The following PTPRD variants were observed in gnomAD, a reference collection of about 807,000 sequenced individuals.
PTPRD encodes protein tyrosine phosphatase receptor type D, also known as receptor-type tyrosine-protein phosphatase delta.
In PTPRD, 34 loss-of-function variants were observed where a neutral mutation model predicts 214.5. That is an observed-to-expected ratio of 0.16 (90% CI 0.12 to 0.21). The LOEUF is 0.21. PTPRD is among the 10% of genes least tolerant of loss of function. The pLI, the probability that PTPRD is intolerant of heterozygous loss-of-function variation, is 1.00. For missense variants in PTPRD, 2,545 were observed against 2,398.7 expected, an observed-to-expected ratio of 1.06 and a Z score of -1.27; for synonymous variants, 1,128 against 845.7, an observed-to-expected ratio of 1.33 and a Z score of -5.79.
At chr9:10,123,730 G>A (rs1455591169) in intron 3 of PTPRD, among the ~76,000 whole-genome samples, 1 of 152,180 alleles carries the variant, frequency 6.6e-6, no homozygotes, top group Non-Finnish European at 1.5e-5. Context: ...TTGGAATAGT[G>A]AATACGTCTT....
chr9:8,454,883 A>C (rs535382222), intron 33 of PTPRD, among the ~76,000 whole-genome samples: 183 of 152,128 alleles, frequency 1.2e-3, no homozygotes, highest in African/African-American at 4.1e-3. Flanking sequence ...CACCTATAAA[A>C]TACTGCCACA....
chr9:10,230,440 C>CTATGTATCTATG (rs1207204714), intron 3 of PTPRD, among the ~76,000 whole-genome samples: 15 of 132,762 alleles, frequency 1.1e-4, no homozygotes, highest in Admixed American at 3.9e-4. Flanking sequence ...ATCTATGTAT[C>CTATGTATCTATG]TATCTATCTA....
At chr9:8,623,774 G>A (rs980412572) in intron 14 of PTPRD, among the ~76,000 whole-genome samples, 2 of 151,720 alleles carry the variant, frequency 1.3e-5, no homozygotes, top group South Asian at 2.1e-4. Flanking sequence ...CACATTTGCC[G>A]CAAAACAAAT....
chr9:9,713,358 C>T (rs2097768384), intron 7 of PTPRD, among the ~76,000 whole-genome samples: 1 of 152,052 alleles, frequency 6.6e-6, no homozygotes, highest in Non-Finnish European at 1.5e-5. Flanking sequence ...TAAGATGCAT[C>T]AAAAATGTCA....
chr9:9,263,165 T>A (rs1056932512), intron 9 of PTPRD, among the ~76,000 whole-genome samples: 2 of 151,736 alleles, frequency 1.3e-5, no homozygotes, highest in Admixed American at 1.3e-4. Context: ...AATCTTGTTT[T>A]CTTAAATGAT....
chr9:9,766,744 T>C (rs543570634), intron 6 of PTPRD, 66 bp downstream of exon 6: 94 of 152,592 alleles, frequency 6.2e-4, no homozygotes, highest in African/African-American at 2.2e-3. Flanking sequence ...GTAATATAAT[T>C]ATTGTCATAA....
At chr9:9,284,385 A>C (rs571013795) in intron 9 of PTPRD, among the ~76,000 whole-genome samples, 1 of 151,728 alleles carries the variant, frequency 6.6e-6, no homozygotes, top group South Asian at 2.1e-4. Context: ...CATGGTTGTA[A>C]GTTTTATTCT....
At chr9:10,262,526 A>T (rs2093763702) in intron 3 of PTPRD, among the ~76,000 whole-genome samples, 1 of 152,208 alleles carries the variant, frequency 6.6e-6, no homozygotes. Context: ...CTACTATCCT[A>T]TACCATCCAT....
intron 35 of PTPRD, among the ~76,000 whole-genome samples, chr9:8,431,357 G>T (rs2095040918): frequency 6.6e-6 from 1 of 152,098 alleles, no homozygotes; most frequent in African/African-American, 2.4e-5. Flanking sequence ...AAAGATGAAA[G>T]CTCCAGAGAA....
chr9:8,499,716 A>G lies in PTPRD; in HGVS notation c.2253T>C (p.Tyr751=). The change falls in exon 25 of 46, where the codon TAT becomes TAC. Residue 751 remains tyrosine (Y), a synonymous_variant. Coordinates refer to ENST00000381196, the MANE Select transcript of PTPRD (RefSeq NM_002839.4). ...TGGGCTCACCATTTTCCATCCTCAC[A>G]TAATGCACCTGATATCCTCTTATCT... ...HGQIRGYQVH[Y]VRMENGEPKG... is the part of the protein sequence containing the mutation. 3 of 1,614,158 alleles carry G rather than the reference A, an allele frequency of 1.9e-6. No homozygotes were observed. Among genetic ancestry groups the G allele is most frequent in the East Asian group, 4.5e-5 (2 of 44,878 alleles).
intron 12 of PTPRD, among the ~76,000 whole-genome samples, chr9:8,708,795 CCT>C (rs1406859743): frequency 1.3e-5 from 2 of 151,950 alleles, no homozygotes; most frequent in East Asian, 1.9e-4. Context: ...TGTACATTCC[CCT>C]GTTTATTGCA....
chr9:9,260,366 C>G (rs953376873), intron 9 of PTPRD, among the ~76,000 whole-genome samples: 1 of 151,770 alleles, frequency 6.6e-6, no homozygotes, highest in African/African-American at 2.4e-5. Flanking sequence ...AGTAGAAAAC[C>G]GAAATCACGT....
At chr9:8,646,618 T>C (rs2096698637) in intron 12 of PTPRD, among the ~76,000 whole-genome samples, 1 of 152,198 alleles carries the variant, frequency 6.6e-6, no homozygotes, top group Non-Finnish European at 1.5e-5. Flanking sequence ...TTGGAAGCCT[T>C]CTTTGATCTT....
intron 6 of PTPRD, among the ~76,000 whole-genome samples, chr9:9,738,384 G>GC (rs1173653590): frequency 1.4e-5 from 2 of 140,436 alleles, no homozygotes; most frequent in East Asian, 4.0e-4. Context: ...TATGGTTATT[G>GC]CCCATTTTTT....
chr9:10,211,034 A>G (rs1343907696), intron 3 of PTPRD, among the ~76,000 whole-genome samples: 2 of 151,832 alleles, frequency 1.3e-5, no homozygotes, highest in African/African-American at 2.4e-5. Flanking sequence ...TGAAAAACAC[A>G]GTATATGATT....
At chr9:9,714,722 C>A (rs915630507) in intron 7 of PTPRD, among the ~76,000 whole-genome samples, 1 of 152,148 alleles carries the variant, frequency 6.6e-6, no homozygotes, top group East Asian at 1.9e-4. Context: ...GCTGTGAGTT[C>A]TCTGCTGATG....
At position 9,430,733 on chromosome 9, in the gene PTPRD, C is replaced by T. The variant is rs538284155; in HGVS notation, c.-236-33251G>A. On this transcript the variant is annotated intron_variant, in intron 8 of 45. Transcript: ENST00000381196. ...CAGACCAATGGAACAGAACAGGGCC[C>T]TCAGAAATAATACCACACATCTACA... Among the ~76,000 whole-genome samples, 160 of 152,228 alleles carry T rather than the reference C, an allele frequency of 1.1e-3. 1 individual carries two copies. The highest frequency in any genetic ancestry group is 3.7e-3 in the African/African-American group (153 of 41,524).
At chr9:9,072,815 G>C (rs148191625) in intron 10 of PTPRD, among the ~76,000 whole-genome samples, 1 of 152,126 alleles carries the variant, frequency 6.6e-6, no homozygotes, top group African/African-American at 2.4e-5. Flanking sequence ...GTCACATTTT[G>C]CCTTGTGTAT....
At chr9:8,493,856 T>C (rs1381198712) in intron 26 of PTPRD, among the ~76,000 whole-genome samples, 1 of 152,200 alleles carries the variant, frequency 6.6e-6, no homozygotes, top group Non-Finnish European at 1.5e-5. Flanking sequence ...TGCTCTTTGA[T>C]ATATTCCTTT....
Sources: allele counts gnomAD v4.1 joint callset (sites outside exome capture counted in the v4.1 genomes callset), GRCh38; gene constraint gnomAD v4.1.1; transcripts MANE v1.5; gene names NCBI Gene and HGNC (gene_info 2026-07-23, HGNC 2026-07-21).